CCDC192: variants seen among roughly 807,000 people sequenced by gnomAD.
CCDC192 encodes the protein coiled-coil domain containing 192, also known as coiled-coil domain-containing protein 192.
At chr5:127,737,723 G>C (rs1445421662) in intron 2 of CCDC192, among the ~76,000 whole-genome samples, 10 of 151,548 alleles carry the variant, frequency 6.6e-5, no homozygotes, top group African/African-American at 2.4e-4. Context: ...TTGGTTTAAA[G>C]TCTGTTTTAT....
intron 6 of CCDC192, among the ~76,000 whole-genome samples, chr5:127,887,088 G>T (rs768145579): frequency 3.9e-5 from 6 of 152,124 alleles, no homozygotes; most frequent in Non-Finnish European, 5.9e-5. Flanking sequence ...AGCACTTTGG[G>T]AGGCCGAGGC....
At chr5:127,719,682 G>A (rs1456303899) in intron 2 of CCDC192, among the ~76,000 whole-genome samples, 1 of 150,862 alleles carries the variant, frequency 6.6e-6, no homozygotes, top group Admixed American at 6.6e-5. Context: ...CCTGAGACTG[G>A]GTAATTTATA....
chr5:127,780,976 A>C (rs1756183280), intron 3 of CCDC192, among the ~76,000 whole-genome samples: 1 of 152,086 alleles, frequency 6.6e-6, no homozygotes, highest in Non-Finnish European at 1.5e-5. Flanking sequence ...TAAGATTTAA[A>C]TCCTTAATCC....
At chr5:127,899,856 G>A (rs1752991758) in intron 6 of CCDC192, among the ~76,000 whole-genome samples, 1 of 152,168 alleles carries the variant, frequency 6.6e-6, no homozygotes, top group African/African-American at 2.4e-5. Context: ...CATCACAAGG[G>A]GACACAGGTC....
chr5:127,754,512 CA>C (rs35158716), intron 3 of CCDC192, 137 bp downstream of exon 3: 1 of 374,516 alleles, frequency 2.7e-6, no homozygotes. Flanking sequence ...CACACACACA[CA>C]TTGCAGTATG....
At chr5:127,829,703 G>A (rs904724324) in intron 5 of CCDC192, among the ~76,000 whole-genome samples, 2 of 151,928 alleles carry the variant, frequency 1.3e-5, no homozygotes, top group African/African-American at 4.8e-5. Context: ...TTTTTTAAAG[G>A]TTACTTAATT....
chr5:127,791,127 G>C (rs929522270), intron 3 of CCDC192, among the ~76,000 whole-genome samples: 1 of 152,140 alleles, frequency 6.6e-6, no homozygotes, highest in Non-Finnish European at 1.5e-5. Flanking sequence ...GGAAGGAGAA[G>C]ATCATTTAAA....
At chr5:127,773,616 C>A (rs1245258392) in intron 3 of CCDC192, among the ~76,000 whole-genome samples, 1 of 152,100 alleles carries the variant, frequency 6.6e-6, no homozygotes, top group Non-Finnish European at 1.5e-5. Context: ...TACTTTATTC[C>A]TTTTTATGCC....
At chr5:127,774,945 T>C (rs1755771573) in intron 3 of CCDC192, among the ~76,000 whole-genome samples, 1 of 152,230 alleles carries the variant, frequency 6.6e-6, no homozygotes, top group East Asian at 1.9e-4. Flanking sequence ...ACATTTTGAG[T>C]TTGCATTGTA....
At chr5:127,797,642 C>T (rs1757230446) in intron 4 of CCDC192, among the ~76,000 whole-genome samples, 1 of 149,712 alleles carries the variant, frequency 6.7e-6, no homozygotes. Flanking sequence ...AATATCTGAG[C>T]ATTAAAATAT....
chr5:127,908,096 C>A (rs1317155051), intron 6 of CCDC192, among the ~76,000 whole-genome samples: 1 of 152,190 alleles, frequency 6.6e-6, no homozygotes, highest in Non-Finnish European at 1.5e-5. Flanking sequence ...TCGTGCTCAC[C>A]TGTAGAGGAC....
chr5:127,805,847 AC>A (rs1757753240), intron 5 of CCDC192, among the ~76,000 whole-genome samples: 1 of 152,128 alleles, frequency 6.6e-6, no homozygotes, highest in Non-Finnish European at 1.5e-5. Flanking sequence ...TTATGTCATT[AC>A]CCCATGGCTC....
At chr5:127,734,474 C>T (rs1297931179) in intron 2 of CCDC192, among the ~76,000 whole-genome samples, 2 of 148,794 alleles carry the variant, frequency 1.3e-5, no homozygotes, top group South Asian at 2.2e-4. Flanking sequence ...ATGGTATTTC[C>T]AGTTCTAGAT....
chr5:127,903,009 G>A (rs1384550687), intron 6 of CCDC192, among the ~76,000 whole-genome samples: 2 of 152,030 alleles, frequency 1.3e-5, no homozygotes, highest in Admixed American at 1.3e-4. Flanking sequence ...TCTCAGGCAC[G>A]GCAAGTTCCA....
chr5:127,871,994 C>T (rs1402146557), intron 5 of CCDC192, among the ~76,000 whole-genome samples: 1 of 152,176 alleles, frequency 6.6e-6, no homozygotes, highest in Non-Finnish European at 1.5e-5. Flanking sequence ...TTTGGGTTGC[C>T]TGGCTAGTGA....
chr5:127,708,273 T>C lies in CCDC192; in HGVS notation c.114+513T>C, dbSNP rs1276644276. On this transcript the variant is annotated intron_variant, in intron 2 of 6. Transcript: ENST00000514853. ...TTCTTACACCATGAGCTCCATTATGTCTTGGGAAAGCTGGGTCCTTTCTAC... is the reference window on the plus strand; with the variant it reads ...TTCTTACACCATGAGCTCCATTATGCCTTGGGAAAGCTGGGTCCTTTCTAC... 3.9e-5 allele frequency among the ~76,000 whole-genome samples: 6 copies of C among 152,166 alleles called. 1 individual carries two copies. The highest frequency in any genetic ancestry group is 5.9e-5 in the Non-Finnish European group (4 of 68,020).
chr5:127,851,706 T>C (rs1750805047), intron 5 of CCDC192, among the ~76,000 whole-genome samples: 2 of 152,244 alleles, frequency 1.3e-5, no homozygotes, highest in South Asian at 4.1e-4. Flanking sequence ...TCTGCCCGCC[T>C]CGGCCTCCCA....
chr5:127,860,441 CT>C (rs1751306776), intron 5 of CCDC192, among the ~76,000 whole-genome samples: 1 of 152,144 alleles, frequency 6.6e-6, no homozygotes, highest in African/African-American at 2.4e-5. Flanking sequence ...AGGTTATGTA[CT>C]TGGAAAATTG....
intron 5 of CCDC192, among the ~76,000 whole-genome samples, chr5:127,801,130 T>G (rs1057477657): frequency 3.3e-5 from 5 of 152,140 alleles, no homozygotes; most frequent in African/African-American, 1.2e-4. Context: ...GTGAGTGTGA[T>G]CTGCTGGCGT....
Sources: allele counts gnomAD v4.1 joint callset (sites outside exome capture counted in the v4.1 genomes callset), GRCh38; gene constraint gnomAD v4.1.1; transcripts MANE v1.5; gene names NCBI Gene and HGNC (gene_info 2026-07-23, HGNC 2026-07-21).